Variants in SCEL observed in about 807,000 individuals in gnomAD.
The protein encoded by SCEL is sciellin.
SCEL carries 113 observed loss-of-function variants against 117.6 expected under a neutral mutation model. The observed-to-expected ratio is 0.96, with a 90% CI of 0.83 to 1.12. The LOEUF (loss-of-function observed/expected upper bound fraction) is 1.12. SCEL is among the 50% of genes most tolerant of loss of function. SCEL has a pLI of 0.00. For missense variants in SCEL, 785 were observed against 810.8 expected (o/e 0.97, Z 0.39); for synonymous variants, 270 against 256.2 (o/e 1.05, Z -0.51).
intron 7 of SCEL, 90 bp from the exon 8 acceptor site, chr13:77,569,281 G>C: frequency 1.0e-6 from 1 of 966,542 alleles, no homozygotes; most frequent in Admixed American, 1.9e-5. Context: ...GAGCAGGCAG[G>C]AATATGAGTA....
intron 28 of SCEL, among the ~76,000 whole-genome samples, chr13:77,631,125 AG>A (rs1435288477): frequency 6.6e-6 from 1 of 152,150 alleles, no homozygotes; most frequent in Non-Finnish European, 1.5e-5. Context: ...AGAGCTTTAA[AG>A]GTTCCTAGTG....
Position 77,642,563 on chromosome 13 carries a change from C to T in SCEL, c.1948-143C>T, listed in dbSNP as rs2090607581. The T allele has an allele frequency of 6.9e-5, 35 of 510,428 alleles. 1 individual carries two copies. The South Asian group carries it at 9.6e-4, about 14-fold the overall frequency. The allele number at this position is 510,428 out of a possible 1,614,324, so 31.6% of individuals were successfully genotyped here. A position where few individuals can be genotyped will look rare whatever the true frequency, so the allele number is the denominator to read the frequency against. On this transcript the variant is annotated intron_variant, in intron 31 of 32. Coordinates refer to ENST00000349847, the MANE Select transcript of SCEL (RefSeq NM_144777.3). Reference sequence around the variant, plus strand: ...ATAAACAATTTCTGGACATTCATATCTACTCCACTGTGAGTGAAGTAGAAA... The same window carrying T: ...ATAAACAATTTCTGGACATTCATATTTACTCCACTGTGAGTGAAGTAGAAA...
chr13:77,609,543 C>T (rs568564544), intron 21 of SCEL, among the ~76,000 whole-genome samples: 8 of 152,264 alleles, frequency 5.3e-5, no homozygotes, highest in South Asian at 2.1e-4. Flanking sequence ...GGAAATTGCA[C>T]GAGGAGCTCT....
intron 28 of SCEL, among the ~76,000 whole-genome samples, chr13:77,631,727 C>T (rs1281119300): frequency 6.6e-6 from 1 of 152,170 alleles, no homozygotes; most frequent in East Asian, 1.9e-4. Context: ...CCAAACCTAG[C>T]ATTTGGTTTT....
At chr13:77,589,267 A>G (rs780642666) in intron 10 of SCEL, 43 bp downstream of exon 10, 1 of 1,446,730 alleles carries the variant, frequency 6.9e-7, no homozygotes, top group Non-Finnish European at 9.7e-7. Flanking sequence ...AATGAAGTTC[A>G]AGGGAAATGA....
chr13:77,609,249 A>C (rs1457313899), intron 21 of SCEL, 132 bp downstream of exon 21: 3 of 698,882 alleles, frequency 4.3e-6, no homozygotes, highest in Non-Finnish European at 6.7e-6. Context: ...CTGCTACCTC[A>C]CATCTGAAAT....
intron 1 of SCEL, among the ~76,000 whole-genome samples, chr13:77,536,417 G>T (rs1567322255): frequency 6.6e-6 from 1 of 152,144 alleles, no homozygotes; most frequent in Non-Finnish European, 1.5e-5. Flanking sequence ...AAGGAGTAAA[G>T]GCAGGGTGTG....
At chr13:77,563,387 G>A (rs1416026986) in intron 4 of SCEL, among the ~76,000 whole-genome samples, 1 of 152,056 alleles carries the variant, frequency 6.6e-6, no homozygotes, top group Non-Finnish European at 1.5e-5. Context: ...AAGCATTTAT[G>A]GATTTAGTCC....
At chr13:77,634,581 C>CTATA in intron 29 of SCEL, 131 bp downstream of exon 29, 1 of 566,000 alleles carries the variant, frequency 1.8e-6, no homozygotes, top group Non-Finnish European at 3.1e-6. Flanking sequence ...ACATTGAGTT[C>CTATA]TATATATATA....
In SCEL at chr13:77,572,140, C is replaced by A. The variant is rs1391403403; in HGVS notation, c.496C>A (p.Pro166Thr). The A allele has an allele frequency of 3.7e-6, 6 of 1,612,826 alleles. No homozygotes were observed. The South Asian group carries it at 6.6e-5, about 18-fold the overall frequency. Residue 166 changes from proline to threonine, a missense_variant, in exon 9 of 33, where the codon CCG becomes ACG. By Grantham distance (38) the Pro-to-Thr change is conservative (BLOSUM62 -1). Transcript: ENST00000349847. ...VKKKRQSWFP[P>T]PPPGYNASSS... ...TCTTAACAGGCAGTCCTGGTTTCCA[C>A]CGCCCCCTCCAGGTTACAATGCCTC...
intron 15 of SCEL, among the ~76,000 whole-genome samples, chr13:77,600,489 T>G (rs564502416): frequency 2.0e-5 from 3 of 152,312 alleles, no homozygotes; most frequent in African/African-American, 4.8e-5. Flanking sequence ...GTTGGGTCAT[T>G]TCATATGTAT....
intron 9 of SCEL, among the ~76,000 whole-genome samples, chr13:77,576,370 T>C (rs556557707): frequency 2.0e-5 from 3 of 152,312 alleles, no homozygotes; most frequent in African/African-American, 7.2e-5. Context: ...CCCTTCTTAC[T>C]TAGTCTCCTC....
Position 77,644,355 on chromosome 13 carries a change from A to G in SCEL, c.*81A>G. ...GTTTTATCTTAATAATATGTAATCT[A>G]GAAAAGCTTTCACATTGAAGATCAA... is the stretch of plus-strand genomic sequence containing the variant. On this transcript the variant is annotated 3_prime_UTR_variant, in exon 33 of 33. Coordinates refer to ENST00000349847, the MANE Select transcript of SCEL (RefSeq NM_144777.3). 1.4e-6 allele frequency: 2 copies of G among 1,399,942 alleles called. No individual in the cohort carries two copies. The highest frequency in any genetic ancestry group is 1.0e-6 in the Non-Finnish European group (1 of 998,540). 86.7% of individuals were successfully genotyped at this position (1,399,942 alleles called of 1,614,324 possible).
At chr13:77,623,660 G>C (rs2154404559) in intron 27 of SCEL, among the ~76,000 whole-genome samples, 1 of 152,254 alleles carries the variant, frequency 6.6e-6, no homozygotes, top group East Asian at 1.9e-4. Context: ...TGTAGTTGTT[G>C]GATTTTTAAG....
chr13:77,584,438 T>C (rs2086448745), intron 9 of SCEL, among the ~76,000 whole-genome samples: 1 of 152,210 alleles, frequency 6.6e-6, no homozygotes, highest in African/African-American at 2.4e-5. Flanking sequence ...AACATGCTTC[T>C]CTGCTTTTCT....
chr13:77,535,805 T>C lies in SCEL; in HGVS notation c.-39T>C, dbSNP rs1367834347. ...TACAGGCTGGTTAGCCAAAAAGTCC[T>C]GATTTTCTGCTCAATAGAGGTAAGT... is the stretch of plus-strand genomic sequence containing the variant. On this transcript the variant is annotated 5_prime_UTR_variant, in exon 1 of 33. Transcript: ENST00000349847. The C allele has an allele frequency of 6.6e-6, 1 of 152,208 alleles. No individual in the cohort carries two copies. The highest frequency in any genetic ancestry group is 1.5e-5 in the Non-Finnish European group (1 of 68,040). The allele number at this position is 152,208 out of a possible 1,614,324, so 9.4% of individuals were successfully genotyped here. A position where few individuals can be genotyped will look rare whatever the true frequency, so the allele number is the denominator to read the frequency against.
chr13:77,551,297 T>C (rs1308025848), intron 1 of SCEL, among the ~76,000 whole-genome samples: 1 of 152,144 alleles, frequency 6.6e-6, no homozygotes, highest in Non-Finnish European at 1.5e-5. Flanking sequence ...TTTATTCTAT[T>C]AGCAATTGCC....
intron 10 of SCEL, among the ~76,000 whole-genome samples, chr13:77,589,640 G>T (rs1396703292): frequency 1.3e-5 from 2 of 152,124 alleles, no homozygotes; most frequent in Admixed American, 1.3e-4. Flanking sequence ...AAGAGATACA[G>T]ATTCTGATGA....
chr13:77,617,620 C>T lies in SCEL; in HGVS notation c.1473C>T (p.Leu491=). The T allele has an allele frequency of 6.3e-7, 1 of 1,596,076 alleles. No homozygotes were observed. The highest frequency in any genetic ancestry group is 8.6e-7 in the Non-Finnish European group (1 of 1,168,718). The part of the protein sequence containing the change: ...NTDGKQDLDK[L]IKVNPEIFTN... Reference sequence around the variant, plus strand: ...AAAGAAAACAAGATCTTGATAAACTCATCAAGGTGAATCCTGAAATTTTCA... The same window carrying T: ...AAAGAAAACAAGATCTTGATAAACTTATCAAGGTGAATCCTGAAATTTTCA... The change falls in exon 25 of 33, where the codon CTC becomes CTT. Residue 491 remains leucine, a synonymous_variant. Transcript: ENST00000349847.
Sources: allele counts gnomAD v4.1 joint callset (sites outside exome capture counted in the v4.1 genomes callset), GRCh38; gene constraint gnomAD v4.1.1; transcripts MANE v1.5; gene names NCBI Gene and HGNC (gene_info 2026-07-23, HGNC 2026-07-21).